RASGEF1C: variants seen among roughly 807,000 people sequenced by gnomAD.
RASGEF1C encodes RasGEF domain family member 1C, also known as ras-GEF domain-containing family member 1C.
RASGEF1C carries 27 observed loss-of-function variants against 58.1 expected under a neutral mutation model. The ratio of observed to expected loss-of-function variants is 0.46; its 90% confidence interval spans 0.34 to 0.64. The LOEUF (loss-of-function observed/expected upper bound fraction) is 0.64. Among genes scored for constraint, RASGEF1C ranks in the 30% least tolerant of loss-of-function variants. The pLI, the probability that RASGEF1C is intolerant of heterozygous loss-of-function variation, is 0.01. For missense variants in RASGEF1C, 502 were observed against 605.1 expected (o/e 0.83, Z 1.79); for synonymous variants, 243 against 246.3 (o/e 0.99, Z 0.13).
intron 1 of RASGEF1C, among the ~76,000 whole-genome samples, chr5:180,149,897 G>T (rs1321776355): frequency 2.6e-5 from 4 of 152,144 alleles, no homozygotes; most frequent in Non-Finnish European, 5.9e-5. Context: ...GGGTTTCCTG[G>T]ATGTTTATAT....
chr5:180,131,957 CCTCT>C (rs1766376912), intron 4 of RASGEF1C, among the ~76,000 whole-genome samples: 1 of 152,198 alleles, frequency 6.6e-6, no homozygotes, highest in Non-Finnish European at 1.5e-5. Flanking sequence ...TTCTATGCCC[CCTCT>C]GAGTGTGGTT....
At chr5:180,112,880 G>A (rs1175814565) in intron 11 of RASGEF1C, among the ~76,000 whole-genome samples, 1 of 151,712 alleles carries the variant, frequency 6.6e-6, no homozygotes, top group East Asian at 1.9e-4. Flanking sequence ...AGGATGGACG[G>A]AGGGACCGGG....
chr5:180,194,830 C>A lies in RASGEF1C; in HGVS notation c.-7+14198G>T, dbSNP rs1001014605. ...GAACCAGCCCTCTCTCCCCAGCCCACGTGCAGTGGCGGTGGCCAGGGCGGT... is the reference window on the plus strand; with the variant it reads ...GAACCAGCCCTCTCTCCCCAGCCCAAGTGCAGTGGCGGTGGCCAGGGCGGT... On this transcript the variant is annotated intron_variant, in intron 1 of 13. Coordinates refer to ENST00000361132, the MANE Select transcript of RASGEF1C (RefSeq NM_175062.4). Among the ~76,000 whole-genome samples the A allele has an allele frequency of 6.6e-5, 10 of 152,368 alleles. No individual in the cohort carries two copies. The East Asian group carries it at 1.7e-3, about 26-fold the overall frequency.
At position 180,177,841 on chromosome 5, in the gene RASGEF1C, G is replaced by A. The variant is rs11749101; in HGVS notation, c.-7+31187C>T. On this transcript the variant is annotated intron_variant, in intron 1 of 13. Coordinates refer to ENST00000361132, the MANE Select transcript of RASGEF1C (RefSeq NM_175062.4). This position sits in a 1 kb window ranked among gnomAD's most constrained non-coding sequence, Gnocchi z 5.0. ...TCTGCTCAGGGCAAGGTAAGGACAG[G>A]AAGTAAGTATGGAGCTGGTGGGGGC... Among the ~76,000 whole-genome samples, 1,361 of 152,312 alleles carry A rather than the reference G, an allele frequency of 8.9e-3. 19 individuals carry two copies. Among genetic ancestry groups the A allele is most frequent in the South Asian group, 0.023 (113 of 4,828 alleles).
chr5:180,114,229 C>T (rs898908005), intron 11 of RASGEF1C, among the ~76,000 whole-genome samples: 6 of 152,286 alleles, frequency 3.9e-5, no homozygotes, highest in South Asian at 2.1e-4. Flanking sequence ...GCTGGCCGTG[C>T]GGCGCAGCCT....
Position 180,182,191 on chromosome 5 carries a change from C to T in RASGEF1C, c.-7+26837G>A, listed in dbSNP as rs574451550. On this transcript the variant is annotated intron_variant, in intron 1 of 13. Coordinates refer to ENST00000361132, the MANE Select transcript of RASGEF1C (RefSeq NM_175062.4). ...CTGAACTCCAGCCTGGGCAACAGAG[C>T]AAGACTCCGTCTCAAAAAAAAAAAA... 5.7e-5 allele frequency among the ~76,000 whole-genome samples: 5 copies of T among 87,276 alleles called. No homozygotes were observed. In the Admixed American group the frequency reaches 8.5e-4, roughly 15 times the overall value. The allele number at this position is 87,276 out of a possible 152,430, so 57.3% of individuals were successfully genotyped here. A position where few individuals can be genotyped will look rare whatever the true frequency, so the allele number is the denominator to read the frequency against.
At chr5:180,207,512 G>A (rs1756509333) in intron 1 of RASGEF1C, among the ~76,000 whole-genome samples, 1 of 152,150 alleles carries the variant, frequency 6.6e-6, no homozygotes, top group Non-Finnish European at 1.5e-5. Context: ...CATGGCAGGA[G>A]GGTGCAGACC....
chr5:180,141,137 A>G (rs1230045143), intron 1 of RASGEF1C, among the ~76,000 whole-genome samples: 3 of 152,236 alleles, frequency 2.0e-5, no homozygotes, highest in Admixed American at 1.3e-4. Flanking sequence ...TGTATTACAC[A>G]AAAAGGTAGC....
In RASGEF1C at chr5:180,101,412, C is replaced by A; in HGVS notation, c.*89G>T. The A allele has an allele frequency of 6.6e-7, 1 of 1,524,624 alleles. No homozygotes were observed. Among genetic ancestry groups the A allele is most frequent in the Non-Finnish European group, 9.0e-7 (1 of 1,115,316 alleles). The allele number at this position is 1,524,624 out of a possible 1,614,324, so 94.4% of individuals were successfully genotyped here. ...GGCATTTGCAAAATAGTGAGGCACT[C>A]CCTGGCCTCTGCCCACTGGGCCACT... On this transcript the variant is annotated 3_prime_UTR_variant, in exon 14 of 14. Transcript: ENST00000361132.
Position 180,101,380 on chromosome 5 carries a change from C to A in RASGEF1C, c.*121G>T. 4 of 1,152,592 alleles carry A rather than the reference C, an allele frequency of 3.5e-6. No homozygotes were observed. Among genetic ancestry groups the A allele is most frequent in the Non-Finnish European group, 5.0e-6 (4 of 803,816 alleles). The allele number at this position is 1,152,592 out of a possible 1,614,324, so 71.4% of individuals were successfully genotyped here. A position where few individuals can be genotyped will look rare whatever the true frequency, so the allele number is the denominator to read the frequency against. ...GGGGGGGGGGGCGGGCAGCAGGCCA[C>A]AGGGTCGGCATTTGCAAAATAGTGA... On this transcript the variant is annotated 3_prime_UTR_variant, in exon 14 of 14. Transcript: ENST00000361132.
At chr5:180,145,894 T>A (rs758028497) in intron 1 of RASGEF1C, among the ~76,000 whole-genome samples, 1 of 152,204 alleles carries the variant, frequency 6.6e-6, no homozygotes, top group Non-Finnish European at 1.5e-5. Flanking sequence ...TTGAGTTGTT[T>A]GGGATTTGTT....
At position 180,114,497 on chromosome 5, in the gene RASGEF1C, G is replaced by A. The variant is rs758836473; in HGVS notation, c.1128C>T (p.Phe376=). Residue 376 remains phenylalanine (F), a synonymous_variant, in exon 11 of 14, where the codon TTC becomes TTT. Transcript: ENST00000361132. ...FFSLLIKDIY[F]LNEGCANRLP... is the part of the protein sequence containing the mutation. ...GGCGGTTGGCGCAGCCCTCATTCAG[G>A]AAGTAGATGTCTTTGATGAGCAGGC... 4 of 1,612,874 alleles carry A rather than the reference G, an allele frequency of 2.5e-6. No individual in the cohort carries two copies. In the African/African-American group the frequency reaches 5.3e-5, roughly 22 times the overall value.
chr5:180,128,870 G>C lies in RASGEF1C; in HGVS notation c.439-260C>G, dbSNP rs375251612. ...CATCTGTGGGTGGGAGCCAAGAGGA[G>C]CACACATCAGGGAGGGTGACGGGGG... is the stretch of plus-strand genomic sequence containing the variant. On this transcript the variant is annotated intron_variant, in intron 4 of 13. Transcript: ENST00000361132. Among the ~76,000 whole-genome samples the C allele has an allele frequency of 3.7e-4, 56 of 152,202 alleles. No homozygotes were observed. In the East Asian group the frequency reaches 6.6e-3, roughly 18 times the overall value.
chr5:180,200,338 C>A (rs1442069301), intron 1 of RASGEF1C, among the ~76,000 whole-genome samples: 2 of 61,076 alleles, frequency 3.3e-5, no homozygotes, highest in Non-Finnish European at 6.8e-5. Context: ...GAGATAGAGT[C>A]CTGCTCTGTC....
intron 1 of RASGEF1C, among the ~76,000 whole-genome samples, chr5:180,183,266 C>T (rs969222285): frequency 2.0e-5 from 3 of 152,166 alleles, no homozygotes; most frequent in African/African-American, 4.8e-5. Context: ...AAGCCCCACA[C>T]TTGTGAGACC....
At chr5:180,146,341 C>T (rs926836086) in intron 1 of RASGEF1C, among the ~76,000 whole-genome samples, 13 of 152,120 alleles carry the variant, frequency 8.5e-5, no homozygotes, top group African/African-American at 1.9e-4. Flanking sequence ...ACTTTTAACA[C>T]GGTTTCACCA....
chr5:180,165,842 C>T (rs12659193), intron 1 of RASGEF1C, among the ~76,000 whole-genome samples: 36,337 of 142,814 alleles, frequency 0.25, 5,067 homozygotes, highest in East Asian at 0.56. Flanking sequence ...CTCTGCCTCC[C>T]GGGTTCATAC....
chr5:180,184,682 T>C (rs1755997080), intron 1 of RASGEF1C, among the ~76,000 whole-genome samples: 2 of 152,140 alleles, frequency 1.3e-5, no homozygotes, highest in Admixed American at 6.5e-5. Context: ...CAAGTTTAAA[T>C]ACAGAGACAT....
At chr5:180,176,118 C>T (rs954203390) in intron 1 of RASGEF1C, among the ~76,000 whole-genome samples, 5 of 152,374 alleles carry the variant, frequency 3.3e-5, no homozygotes, top group Middle Eastern at 3.4e-3. Flanking sequence ...GACAAGGACA[C>T]GTGGATGTTG....
Sources: gnomAD v4.1 joint callset for allele counts (sites outside exome capture counted in the v4.1 genomes callset) on GRCh38, gnomAD v4.1.1 for gene constraint, Gnocchi (gnomAD v3.1) non-coding constraint, MANE v1.5 for transcripts, NCBI Gene and HGNC (gene_info 2026-07-23, HGNC 2026-07-21) for gene names.